Variants in ADAMTSL1 observed in about 807,000 individuals in gnomAD.
ADAMTSL1 encodes the protein ADAMTS like 1.
In ADAMTSL1, 126 loss-of-function variants were observed where a neutral mutation model predicts 201.8. The observed-to-expected ratio is 0.62, with a 90% CI of 0.54 to 0.72. ADAMTSL1 has a LOEUF of 0.72. Ranked by LOEUF, ADAMTSL1 falls within the 30% of genes least tolerant of loss-of-function variation. The pLI, the probability that ADAMTSL1 is intolerant of heterozygous loss-of-function variation, is 0.00. For missense variants in ADAMTSL1, 2,679 were observed against 2,277.8 expected, an observed-to-expected ratio of 1.18 and a Z score of -3.59; for synonymous variants, 1,121 against 903.4, an observed-to-expected ratio of 1.24 and a Z score of -4.32.
intron 3 of ADAMTSL1, among the ~76,000 whole-genome samples, chr9:18,570,233 A>AG (rs1397639200): frequency 6.6e-6 from 1 of 151,978 alleles, no homozygotes; most frequent in East Asian, 1.9e-4. Context: ...AGGAAAAAAA[A>AG]AAAAAGACCA....
intron 3 of ADAMTSL1, among the ~76,000 whole-genome samples, chr9:18,549,802 G>A (rs979875960): frequency 2.6e-5 from 4 of 151,922 alleles, no homozygotes; most frequent in East Asian, 1.9e-4. Context: ...GAGTCTATGT[G>A]CCCTAAAACC....
chr9:18,285,634 G>A lies in ADAMTSL1; in HGVS notation c.207+121653G>A, dbSNP rs147813542. Reference sequence around the variant, plus strand: ...TATATATAAGGAACCTTGTTGTGGCGGGGTGTTGACACTTTGTCATCATGT... The same window carrying A: ...TATATATAAGGAACCTTGTTGTGGCAGGGTGTTGACACTTTGTCATCATGT... On this transcript the variant is annotated intron_variant, in intron 2 of 29. Coordinates refer to the ADAMTSL1 transcript ENST00000680146. Among the ~76,000 whole-genome samples the A allele has an allele frequency of 2.3e-3, 348 of 151,716 alleles. 1 individual carries two copies. The highest frequency in any genetic ancestry group is 7.3e-3 in the African/African-American group (303 of 41,392).
At chr9:18,448,560 A>C (rs1474133750) in intron 2 of ADAMTSL1, among the ~76,000 whole-genome samples, 2 of 152,250 alleles carry the variant, frequency 1.3e-5, no homozygotes, top group Non-Finnish European at 2.9e-5. Context: ...AAGTTGAAAT[A>C]GTTGCAAAGG....
At position 18,708,922 on chromosome 9, in the gene ADAMTSL1, G is replaced by C. The variant is rs563536507; in HGVS notation, c.1876+1874G>C. ...ATTTGAAGTGTCGAGTGTATGTGGAGTGTATTTAATTTAAAATGTTTTTAG... is the reference window on the plus strand; with the variant it reads ...ATTTGAAGTGTCGAGTGTATGTGGACTGTATTTAATTTAAAATGTTTTTAG... On this transcript the variant is annotated intron_variant, in intron 14 of 28. Transcript: ENST00000380548. 2.0e-5 allele frequency among the ~76,000 whole-genome samples: 3 copies of C among 152,324 alleles called. No individual in the cohort carries two copies. The South Asian group carries it at 6.2e-4, about 32-fold the overall frequency.
At chr9:18,537,982 G>A (rs561903056) in intron 3 of ADAMTSL1, among the ~76,000 whole-genome samples, 10 of 139,252 alleles carry the variant, frequency 7.2e-5, no homozygotes, top group South Asian at 2.3e-4. Context: ...AAGAAGAGGA[G>A]GAAGAGGAAG....
intron 1 of ADAMTSL1, among the ~76,000 whole-genome samples, chr9:18,067,048 T>C (rs1822737684): frequency 1.3e-5 from 2 of 152,032 alleles, no homozygotes; most frequent in Admixed American, 1.3e-4. Context: ...AATGACGAGT[T>C]AATGGGTGCA....
chr9:18,838,896 AC>A (rs1289090065), intron 23 of ADAMTSL1, among the ~76,000 whole-genome samples: 1 of 151,012 alleles, frequency 6.6e-6, no homozygotes, highest in Non-Finnish European at 1.5e-5. Flanking sequence ...AAAAAAAAAA[AC>A]CTAAAATATG....
intron 2 of ADAMTSL1, among the ~76,000 whole-genome samples, chr9:18,287,531 A>G (rs1587474166): frequency 6.6e-6 from 1 of 151,364 alleles, no homozygotes; most frequent in East Asian, 1.9e-4. Context: ...ATTTACATAT[A>G]TGTAAAATAC....
At chr9:18,404,390 C>T (rs1015456091) in intron 2 of ADAMTSL1, among the ~76,000 whole-genome samples, 1 of 152,166 alleles carries the variant, frequency 6.6e-6, no homozygotes, top group African/African-American at 2.4e-5. Context: ...TAAAAAGCCT[C>T]ATTCTCCCAT....
At chr9:18,704,107 G>A (rs2133317607) in intron 13 of ADAMTSL1, among the ~76,000 whole-genome samples, 1 of 152,108 alleles carries the variant, frequency 6.6e-6, no homozygotes, top group African/African-American at 2.4e-5. Flanking sequence ...GCAGGGGTTG[G>A]AAAACTACAG....
chr9:18,063,270 G>C (rs1822542625), intron 1 of ADAMTSL1, among the ~76,000 whole-genome samples: 1 of 152,164 alleles, frequency 6.6e-6, no homozygotes, highest in Non-Finnish European at 1.5e-5. Flanking sequence ...GATCACTTGA[G>C]CCCAGGAGTT....
chr9:18,755,550 C>A (rs1819702763), intron 16 of ADAMTSL1, among the ~76,000 whole-genome samples: 2 of 152,110 alleles, frequency 1.3e-5, no homozygotes, highest in South Asian at 4.2e-4. Flanking sequence ...TTTTTGATAG[C>A]CACACGTGCT....
intron 2 of ADAMTSL1, among the ~76,000 whole-genome samples, chr9:18,408,074 G>A (rs1034673531): frequency 6.6e-6 from 1 of 152,186 alleles, no homozygotes; most frequent in Non-Finnish European, 1.5e-5. Flanking sequence ...TAAAATATGA[G>A]TAGAGTATTA....
chr9:18,747,544 T>C (rs1237115882), intron 15 of ADAMTSL1, among the ~76,000 whole-genome samples: 1 of 152,102 alleles, frequency 6.6e-6, no homozygotes, highest in African/African-American at 2.4e-5. Flanking sequence ...GGGCCATGAT[T>C]TGAATTCTCC....
intron 2 of ADAMTSL1, among the ~76,000 whole-genome samples, chr9:18,405,897 A>G (rs956618713): frequency 4.6e-5 from 7 of 152,188 alleles, no homozygotes; most frequent in Admixed American, 1.3e-4. Context: ...TAAAAAAACA[A>G]TTACTCTTGG....
chr9:18,017,134 C>G (rs920579601), intron 1 of ADAMTSL1, among the ~76,000 whole-genome samples: 1 of 152,010 alleles, frequency 6.6e-6, no homozygotes, highest in African/African-American at 2.4e-5. Context: ...AACCTATTTT[C>G]CATCTCTACT....
intron 1 of ADAMTSL1, among the ~76,000 whole-genome samples, chr9:18,049,803 T>G (rs985514437): frequency 6.6e-6 from 1 of 152,078 alleles, no homozygotes; most frequent in African/African-American, 2.4e-5. Flanking sequence ...TTTTGTATTT[T>G]TAGTAGAGAT....
intron 1 of ADAMTSL1, among the ~76,000 whole-genome samples, chr9:18,498,389 T>A (rs1372197087): frequency 6.8e-6 from 1 of 146,724 alleles, no homozygotes; most frequent in Admixed American, 7.0e-5. Context: ...CAGGCTGGAG[T>A]GCATTGGCCC....
intron 2 of ADAMTSL1, among the ~76,000 whole-genome samples, chr9:18,350,941 G>A (rs1835938584): frequency 6.6e-6 from 1 of 152,148 alleles, no homozygotes; most frequent in African/African-American, 2.4e-5. Flanking sequence ...ATTTGGCAAA[G>A]CATCATATAG....
Sources: gnomAD v4.1 joint callset for allele counts (sites outside exome capture counted in the v4.1 genomes callset) on GRCh38, gnomAD v4.1.1 for gene constraint, MANE v1.5 for transcripts, NCBI Gene and HGNC (gene_info 2026-07-23, HGNC 2026-07-21) for gene names.